Variants in RMDN2 observed in about 807,000 individuals in gnomAD.
RMDN2 encodes the protein regulator of microtubule dynamics 2.
A neutral mutation model predicts 52.8 loss-of-function variants in RMDN2; 61 were observed. The ratio of observed to expected loss-of-function variants is 1.16; its 90% CI spans 0.94 to 1.43. RMDN2 has a LOEUF of 1.43. RMDN2 is among the 40% of genes most tolerant of loss of function. The pLI is 0.00. For missense variants in RMDN2, 592 were observed against 475.3 expected, an observed-to-expected ratio of 1.25 and a Z score of -2.28; for synonymous variants, 180 against 153.1, an observed-to-expected ratio of 1.18 and a Z score of -1.30.
At chr2:37,939,104 C>A (rs182400032) in intron 2 of RMDN2, among the ~76,000 whole-genome samples, 1 of 152,260 alleles carries the variant, frequency 6.6e-6, no homozygotes, top group East Asian at 1.9e-4. Flanking sequence ...CATTTTTGTT[C>A]TCGTCGGTTT....
At chr2:37,959,343 C>G (rs983335473) in intron 2 of RMDN2, among the ~76,000 whole-genome samples, 3 of 150,862 alleles carry the variant, frequency 2.0e-5, no homozygotes, top group Non-Finnish European at 2.9e-5. Flanking sequence ...TGTTATTGGT[C>G]TATTCAGGGA....
At chr2:37,997,602 C>T (rs1675744196) in intron 8 of RMDN2, 88 bp downstream of exon 8, 1 of 852,530 alleles carries the variant, frequency 1.2e-6, no homozygotes, top group African/African-American at 1.7e-5. Flanking sequence ...ATCTTTTCTC[C>T]ATGTGGAGCC....
chr2:38,009,137 AT>A (rs1232057839), intron 10 of RMDN2, among the ~76,000 whole-genome samples: 1 of 151,898 alleles, frequency 6.6e-6, no homozygotes, highest in African/African-American at 2.4e-5. Context: ...TGCCCTTAAC[AT>A]TTTTTCCTTC....
At chr2:37,956,718 A>G (rs932309602) in intron 2 of RMDN2, among the ~76,000 whole-genome samples, 3 of 151,826 alleles carry the variant, frequency 2.0e-5, no homozygotes, top group African/African-American at 2.4e-5. Context: ...CAGGTTTGTT[A>G]CATAGGTAGA....
intron 10 of RMDN2, 151 bp from the exon 11 acceptor site, chr2:38,017,035 G>A: frequency 2.6e-6 from 1 of 378,754 alleles, no homozygotes; most frequent in Non-Finnish European, 4.7e-6. Context: ...TCCTGAATTA[G>A]GGAAAGTATT....
intron 8 of RMDN2, among the ~76,000 whole-genome samples, chr2:38,001,332 T>C (rs572380008): frequency 5.3e-5 from 8 of 152,190 alleles, no homozygotes; most frequent in African/African-American, 1.7e-4. Flanking sequence ...TGATAAAGAG[T>C]GTTCTAAGGG....
chr2:38,039,659 A>G (rs58958252), intron 10 of RMDN2, among the ~76,000 whole-genome samples: 14,026 of 152,258 alleles, frequency 0.092, 865 homozygotes, highest in African/African-American at 0.17. Flanking sequence ...CTCCCTTGCC[A>G]GAAAATCACC....
chr2:38,046,397 T>A (rs143882849), intron 10 of RMDN2, among the ~76,000 whole-genome samples: 619 of 152,152 alleles, frequency 4.1e-3, no homozygotes, highest in African/African-American at 0.014. Flanking sequence ...TAATATTTTT[T>A]AAAAACTGAG....
Position 37,973,254 on chromosome 2 carries a change from G to T in RMDN2, c.453-786G>T, listed in dbSNP as rs138582378. Among the ~76,000 whole-genome samples the T allele has an allele frequency of 6.0e-3, 914 of 152,172 alleles. 11 individuals are homozygous for T. The highest frequency in any genetic ancestry group is 0.021 in the African/African-American group (855 of 41,508). The stretch of plus-strand genomic sequence containing the variant: ...AAATAAGTTGTTTGTATTGTTTGCT[G>T]GCAAAAATGAAATGTAGGCAATAGT... On this transcript the variant is annotated intron_variant, in intron 2 of 10. Coordinates refer to ENST00000354545, the MANE Select transcript of RMDN2 (RefSeq NM_001170791.3).
chr2:37,974,093 CA>C lies in RMDN2; in HGVS notation c.507del (p.Phe170LeufsTer5). ...TEEQSFPVPK[A>X]FNTRVEELNL... The stretch of plus-strand genomic sequence containing the variant: ...GAACAGAGTTTTCCAGTCCCTAAGG[CA>C]TTTAACACACGTGTAGAGGAATTAA... On this transcript the variant is annotated frameshift_variant, in exon 3 of 11. Transcript: ENST00000354545. LOFTEE classifies it high-confidence loss of function. 1.2e-6 allele frequency: 2 copies of C among 1,612,554 alleles called. No individual in the cohort carries two copies. The highest frequency in any genetic ancestry group is 8.5e-7 in the Non-Finnish European group (1 of 1,178,896).
intron 10 of RMDN2, among the ~76,000 whole-genome samples, chr2:38,051,807 C>T (rs1364017969): frequency 1.3e-5 from 2 of 152,134 alleles, no homozygotes; most frequent in Admixed American, 6.5e-5. Flanking sequence ...TGATTTCACT[C>T]AACATAATGA....
At chr2:37,943,209 A>G (rs1667948593) in intron 2 of RMDN2, among the ~76,000 whole-genome samples, 1 of 152,210 alleles carries the variant, frequency 6.6e-6, no homozygotes. Context: ...ATGGGAAGAG[A>G]GAAGAGAGTG....
At chr2:37,949,613 C>T (rs762418526) in intron 2 of RMDN2, among the ~76,000 whole-genome samples, 3 of 152,154 alleles carry the variant, frequency 2.0e-5, no homozygotes, top group South Asian at 2.1e-4. Flanking sequence ...ATTACAAATC[C>T]GACCATTGTA....
intron 10 of RMDN2, among the ~76,000 whole-genome samples, chr2:38,038,253 C>T (rs2246793): frequency 1 from 152,219 of 152,222 alleles, 76,108 homozygotes; most frequent in Middle Eastern, 1. Context: ...GAGCGCAGCG[C>T]CCCCCGGGCG....
chr2:37,965,241 A>T (rs1670877482), intron 2 of RMDN2, among the ~76,000 whole-genome samples: 1 of 152,044 alleles, frequency 6.6e-6, no homozygotes, highest in African/African-American at 2.4e-5. Context: ...CATTACAGAT[A>T]GGAAAGGACT....
At chr2:37,950,662 T>C in intron 2 of RMDN2, 1 of 1,486,806 alleles carries the variant, frequency 6.7e-7, no homozygotes, top group South Asian at 1.1e-5. Flanking sequence ...AACGAAGCTT[T>C]AGTGCTCTCC....
chr2:37,973,140 C>G (rs1450538674), intron 2 of RMDN2, among the ~76,000 whole-genome samples: 4 of 152,026 alleles, frequency 2.6e-5, no homozygotes, highest in Non-Finnish European at 2.9e-5. Context: ...TGTCTTTTTT[C>G]ACTATTTCTA....
chr2:37,943,871 C>T (rs17021760), intron 2 of RMDN2, among the ~76,000 whole-genome samples: 8,285 of 152,000 alleles, frequency 0.055, 242 homozygotes, highest in African/African-American at 0.077. Flanking sequence ...CACAATATTT[C>T]TACTCCCCAT....
upstream of RMDN2, among the ~76,000 whole-genome samples, chr2:37,924,035 C>T (rs758619822): frequency 3.2e-4 from 48 of 152,194 alleles, 1 homozygote; most frequent in Non-Finnish European, 3.5e-4. Flanking sequence ...CAGTCGTGAG[C>T]CACTGCGCCC....
Sources: gnomAD v4.1 joint callset for allele counts (sites outside exome capture counted in the v4.1 genomes callset) on GRCh38, gnomAD v4.1.1 for gene constraint, MANE v1.5 for transcripts, NCBI Gene and HGNC (gene_info 2026-07-23, HGNC 2026-07-21) for gene names.